PCM1: variants seen among roughly 807,000 people sequenced by gnomAD.
PCM1 encodes pericentriolar material 1, also known as pericentriolar material 1 protein.
In PCM1, 157 loss-of-function variants were observed where a neutral mutation model predicts 241.9. The observed-to-expected ratio is 0.65, with a 90% CI of 0.57 to 0.74. The LOEUF (loss-of-function observed/expected upper bound fraction) is 0.74, where lower values mean the gene tolerates loss of function less well. Ranked by LOEUF, PCM1 falls within the 30% of genes least tolerant of loss-of-function variation. PCM1 has a pLI of 0.00. For synonymous variants in PCM1, 1,085 were observed against 784.9 expected (o/e 1.38, Z -6.39); for missense variants, 3,478 against 2,360.1 (o/e 1.47, Z -9.81).
intron 29 of PCM1, among the ~76,000 whole-genome samples, chr8:17,997,675 G>C (rs970370109): frequency 7.9e-5 from 12 of 151,784 alleles, no homozygotes; most frequent in African/African-American, 2.7e-4. Flanking sequence ...TAGAATTTCT[G>C]CTTGATTCTT....
chr8:17,997,515 G>A (rs996584812), intron 29 of PCM1, among the ~76,000 whole-genome samples: 2 of 152,082 alleles, frequency 1.3e-5, no homozygotes. Flanking sequence ...GATCCTGTAG[G>A]TGTGCTTTAT....
chr8:17,954,313 G>C (rs532622611), intron 9 of PCM1, among the ~76,000 whole-genome samples: 1 of 151,922 alleles, frequency 6.6e-6, no homozygotes, highest in Non-Finnish European at 1.5e-5. Context: ...TGTAATCTCA[G>C]CTACTCCGGA....
chr8:17,933,932 A>G (rs1211632557), intron 2 of PCM1, among the ~76,000 whole-genome samples: 8 of 152,264 alleles, frequency 5.3e-5, no homozygotes, highest in Middle Eastern at 3.4e-3. Flanking sequence ...TCAACTCTTT[A>G]GAGAATTATT....
chr8:17,999,701 G>A (rs759570012), intron 29 of PCM1, among the ~76,000 whole-genome samples: 1 of 152,180 alleles, frequency 6.6e-6, no homozygotes, highest in Non-Finnish European at 1.5e-5. Context: ...AAAGTTAAAA[G>A]CAGGTACCAT....
chr8:18,006,160 A>G (rs1004548038), intron 29 of PCM1, 103 bp from the exon 30 acceptor site: 17 of 908,190 alleles, frequency 1.9e-5, no homozygotes, highest in South Asian at 2.5e-5. Context: ...AGGAGCATCT[A>G]CGGCAAGAAA....
chr8:17,983,288 A>G (rs1370932769), intron 24 of PCM1: 3 of 1,323,110 alleles, frequency 2.3e-6, no homozygotes, highest in Non-Finnish European at 3.0e-6. Context: ...ATGAAGCGCC[A>G]GGTAACAATC....
intron 23 of PCM1, among the ~76,000 whole-genome samples, chr8:17,975,718 T>C (rs2078534491): frequency 6.6e-6 from 1 of 152,224 alleles, no homozygotes; most frequent in African/African-American, 2.4e-5. Context: ...TTGTGCATGT[T>C]GACATTCTTT....
chr8:17,976,613 G>A (rs1355741744), intron 23 of PCM1, among the ~76,000 whole-genome samples: 1 of 152,160 alleles, frequency 6.6e-6, no homozygotes, highest in Non-Finnish European at 1.5e-5. Context: ...TAACCTCTCT[G>A]CGCTCTTTGG....
At chr8:17,931,738 G>T (rs567743986) in intron 2 of PCM1, among the ~76,000 whole-genome samples, 2 of 152,056 alleles carry the variant, frequency 1.3e-5, no homozygotes, top group East Asian at 3.9e-4. Context: ...CACTTCTGTT[G>T]CCTGGCTGTT....
intron 29 of PCM1, among the ~76,000 whole-genome samples, chr8:17,994,216 T>C (rs965398963): frequency 3.3e-5 from 5 of 152,216 alleles, no homozygotes; most frequent in African/African-American, 7.2e-5. Flanking sequence ...ACCATCCTTA[T>C]ACAGTTTATC....
In PCM1 at chr8:17,957,595, TGATGAG is replaced by T; in HGVS notation, c.1863_1868del (p.Asp621_Glu622del). 1 of 1,573,004 alleles carries T rather than the reference TGATGAG, an allele frequency of 6.4e-7. No individual in the cohort carries two copies. Among genetic ancestry groups the T allele is most frequent in the Non-Finnish European group, 8.6e-7 (1 of 1,157,934 alleles). On this transcript the variant is annotated inframe_deletion, in exon 13 of 39. Coordinates refer to ENST00000325083, the MANE Select transcript of PCM1 (RefSeq NM_006197.4). ...AGATTCATGTTGCACAAGGTGAAGATGATGAGGAGGAGGAGGAAGAAGCAGAAGAGG... is the reference window on the plus strand; with the variant it reads ...AGATTCATGTTGCACAAGGTGAAGATGAGGAGGAGGAAGAAGCAGAAGAGG...
Position 17,964,633 on chromosome 8 carries a change from A to G in PCM1, c.2720A>G (p.Tyr907Cys), listed in dbSNP as rs200994655. 7.2e-5 allele frequency: 117 copies of G among 1,613,830 alleles called. No homozygotes were observed. The highest frequency in any genetic ancestry group is 7.5e-5 in the Non-Finnish European group (89 of 1,179,852). Reference protein sequence around the residue: ...ALDEEGDEDGYLSEGIVRTDE... With the variant: ...ALDEEGDEDGCLSEGIVRTDE... ...GATGAAGAAGGAGATGAAGACGGTT[A>G]CCTTTCTGAAGGAATTGTTCGGACA... The change falls in exon 18 of 39, where the codon TAC (tyrosine) becomes TGC (cysteine). Residue 907 changes from tyrosine to cysteine, a missense_variant. By Grantham distance (194) the Tyr-to-Cys change is radical. Coordinates refer to ENST00000325083, the MANE Select transcript of PCM1 (RefSeq NM_006197.4).
chr8:17,938,482 A>G (rs935085163), intron 4 of PCM1, among the ~76,000 whole-genome samples: 8 of 152,186 alleles, frequency 5.3e-5, no homozygotes, highest in Admixed American at 4.6e-4. Context: ...CTCAAGCTGT[A>G]CTTCATTTAG....
intron 2 of PCM1, among the ~76,000 whole-genome samples, chr8:17,935,107 C>A (rs965763929): frequency 3.9e-5 from 6 of 152,176 alleles, no homozygotes; most frequent in African/African-American, 1.4e-4. Flanking sequence ...CCTGTTAAAA[C>A]CAAAATTTTC....
At chr8:17,945,680 A>G (rs1368851796) in intron 6 of PCM1, among the ~76,000 whole-genome samples, 2 of 152,152 alleles carry the variant, frequency 1.3e-5, no homozygotes, top group Non-Finnish European at 2.9e-5. Context: ...AGAAATTTTT[A>G]TATAGTATTG....
chr8:17,983,013 G>T (rs2081407466), intron 24 of PCM1, among the ~76,000 whole-genome samples: 1 of 152,130 alleles, frequency 6.6e-6, no homozygotes, highest in Admixed American at 6.5e-5. Flanking sequence ...AGTTTATTAT[G>T]ATAGTCATCA....
chr8:17,984,010 A>G (rs1387787091), intron 24 of PCM1, among the ~76,000 whole-genome samples: 2 of 152,144 alleles, frequency 1.3e-5, no homozygotes, highest in African/African-American at 4.8e-5. Flanking sequence ...GATTAAGATT[A>G]GGGATTTTTC....
Position 17,939,017 on chromosome 8 carries a change from C to A in PCM1, c.612+8C>A, listed in dbSNP as rs374272956. ...GCAATGGAGAGCAGCCAGGTGATAA[C>A]GTTTGTTTCTTTTGCTCATTCTTTA... On this transcript the variant is annotated splice_region_variant and intron_variant, in intron 5 of 38. Transcript: ENST00000325083. 6.2e-7 allele frequency: 1 copy of A among 1,612,538 alleles called. No individual in the cohort carries two copies.
rs1229652039 is a variant in PCM1 at position 17,960,078 on chromosome 8, C to G, written c.2105C>G (p.Ala702Gly). 2 of 1,610,588 alleles carry G rather than the reference C, an allele frequency of 1.2e-6. No individual in the cohort carries two copies. The highest frequency in any genetic ancestry group is 2.2e-5 in the East Asian group (1 of 44,802). The change falls in exon 14 of 39, where the codon GCA (alanine) becomes GGA (glycine). Residue 702 changes from alanine (A) to glycine (G), a missense_variant. Transcript: ENST00000325083. Reference sequence around the variant, plus strand: ...TCAAATTTGGATGATTTCTACCCAGCAGAAGAAGACACCAAGCAAAATTCA... The same window carrying G: ...TCAAATTTGGATGATTTCTACCCAGGAGAAGAAGACACCAAGCAAAATTCA... The part of the protein sequence containing the change: ...SASNLDDFYP[A>G]EEDTKQNSNN...
Sources: gnomAD v4.1 joint callset for allele counts (sites outside exome capture counted in the v4.1 genomes callset) on GRCh38, gnomAD v4.1.1 for gene constraint, MANE v1.5 for transcripts, NCBI Gene and HGNC (gene_info 2026-07-23, HGNC 2026-07-21) for gene names.